Variants in CNOT4 observed in about 807,000 individuals in gnomAD.
CNOT4 encodes CCR4-NOT transcription complex subunit 4.
Under a neutral mutation model 73.8 loss-of-function variants are expected in CNOT4, and 8 were observed. The ratio of observed to expected loss-of-function variants is 0.11; its 90% confidence interval spans 0.06 to 0.20. The LOEUF (loss-of-function observed/expected upper bound fraction) is 0.20, where lower values mean the gene tolerates loss of function less well. CNOT4 is among the 10% of genes least tolerant of loss of function. CNOT4 has a pLI of 1.00. For missense variants in CNOT4, 564 were observed against 883.4 expected (o/e 0.64, Z 4.58); for synonymous variants, 293 against 321.1 (o/e 0.91, Z 0.94).
intron 6 of CNOT4, among the ~76,000 whole-genome samples, chr7:135,412,289 A>G (rs887729141): frequency 2.0e-5 from 3 of 151,930 alleles, no homozygotes; most frequent in African/African-American, 7.2e-5. Context: ...AGGACAGCCC[A>G]TACATTTTAT....
At chr7:135,451,814 G>T (rs116568689) in intron 1 of CNOT4, among the ~76,000 whole-genome samples, 7 of 152,112 alleles carry the variant, frequency 4.6e-5, no homozygotes, top group African/African-American at 1.7e-4. Context: ...TTTTTAAAAG[G>T]CAACTTTTTA....
chr7:135,472,547 ATATATATATAT>A (rs1801699536), intron 1 of CNOT4, among the ~76,000 whole-genome samples: 3 of 97,280 alleles, frequency 3.1e-5, no homozygotes, highest in African/African-American at 1.2e-4. Context: ...ATATATATAT[ATATATATATAT>A]AAAGTGATCC....
chr7:135,363,231 G>T lies in CNOT4; in HGVS notation c.1841-45C>A. ...AAGAGGGAAAATGGTGAGTTTGTGT[G>T]GAAAGAATAAGGTCGTCAAACAAAT... On this transcript the variant is annotated intron_variant, in intron 11 of 11. Transcript: ENST00000541284. The surrounding 1 kb of genome is among the most constrained non-coding windows in gnomAD (Gnocchi z 4.3). 1 of 1,582,994 alleles carries T rather than the reference G, an allele frequency of 6.3e-7. No homozygotes were observed. The highest frequency in any genetic ancestry group is 8.6e-7 in the Non-Finnish European group (1 of 1,156,628).
chr7:135,395,497 G>C, intron 9 of CNOT4, 137 bp downstream of exon 9: 2 of 969,488 alleles, frequency 2.1e-6, no homozygotes, highest in Non-Finnish European at 1.5e-6. Flanking sequence ...ATTCCATGTA[G>C]TTTAAATATT....
rs182057639 is a variant in CNOT4 at position 135,369,156 on chromosome 7, A to T, written c.1628-5090T>A. 4.6e-5 allele frequency among the ~76,000 whole-genome samples: 7 copies of T among 152,320 alleles called. No homozygotes were observed. The East Asian group carries it at 1.4e-3, about 29-fold the overall frequency. On this transcript the variant is annotated intron_variant, in intron 10 of 11. Transcript: ENST00000541284. Reference sequence around the variant, plus strand: ...AGGGTACCATGTGAGATTTAATTTGAAAAATAAGATCTGCTGCTAAAAGGG... The same window carrying T: ...AGGGTACCATGTGAGATTTAATTTGTAAAATAAGATCTGCTGCTAAAAGGG...
chr7:135,465,035 G>A (rs1210966958), intron 1 of CNOT4, among the ~76,000 whole-genome samples: 3 of 152,104 alleles, frequency 2.0e-5, no homozygotes, highest in Non-Finnish European at 4.4e-5. Context: ...TCAGATTGCT[G>A]TTGATACACT....
intron 10 of CNOT4, among the ~76,000 whole-genome samples, chr7:135,392,772 T>A (rs1041200575): frequency 1.3e-5 from 2 of 152,164 alleles, no homozygotes; most frequent in Non-Finnish European, 2.9e-5. Flanking sequence ...ACAAACTATA[T>A]TCTCTTAACC....
intron 1 of CNOT4, among the ~76,000 whole-genome samples, chr7:135,500,029 A>T (rs1473706172): frequency 1.3e-5 from 2 of 152,302 alleles, no homozygotes; most frequent in Middle Eastern, 3.4e-3. Context: ...TGCCAACGAA[A>T]AACAGATTAT....
At chr7:135,378,247 T>C (rs1795628830) in intron 10 of CNOT4, among the ~76,000 whole-genome samples, 1 of 152,188 alleles carries the variant, frequency 6.6e-6, no homozygotes, top group Non-Finnish European at 1.5e-5. Context: ...GTCACGCCTG[T>C]AATCCCAGCA....
chr7:135,469,299 G>A (rs1801423828), intron 1 of CNOT4, among the ~76,000 whole-genome samples: 2 of 152,170 alleles, frequency 1.3e-5, no homozygotes, highest in South Asian at 2.1e-4. Flanking sequence ...ACAAATTTTG[G>A]AATCAGACAT....
intron 1 of CNOT4, among the ~76,000 whole-genome samples, chr7:135,482,813 T>C (rs926807982): frequency 7.9e-5 from 12 of 151,526 alleles, no homozygotes; most frequent in Non-Finnish European, 1.6e-4. Context: ...AAACCCTGTC[T>C]CTAATTTTGT....
At position 135,446,406 on chromosome 7, in the gene CNOT4, A is replaced by T. The variant is rs79560669; in HGVS notation, c.-92-7983T>A. 2.3e-3 allele frequency among the ~76,000 whole-genome samples: 344 copies of T among 152,330 alleles called. 13 individuals are homozygous for T. In the East Asian group the frequency reaches 0.055, roughly 24 times the overall value. On this transcript the variant is annotated intron_variant, in intron 1 of 11. Coordinates refer to ENST00000541284, the MANE Select transcript of CNOT4 (RefSeq NM_001190850.2). Reference sequence around the variant, plus strand: ...GAACTGTACATTTGAAAATGGTTAAAATGGTAAATATGTTACATATATTTT... The same window carrying T: ...GAACTGTACATTTGAAAATGGTTAATATGGTAAATATGTTACATATATTTT...
intron 2 of CNOT4, among the ~76,000 whole-genome samples, chr7:135,434,269 C>T (rs1157527155): frequency 6.6e-6 from 1 of 152,212 alleles, no homozygotes; most frequent in Admixed American, 6.5e-5. Context: ...ACTTGCTTGA[C>T]TCCGACCGAC....
At chr7:135,478,133 A>T (rs1802113905) in intron 1 of CNOT4, among the ~76,000 whole-genome samples, 1 of 152,118 alleles carries the variant, frequency 6.6e-6, no homozygotes, top group African/African-American at 2.4e-5. Flanking sequence ...TTTGTCTTTC[A>T]TGATGATATT....
At chr7:135,418,911 T>A (rs2696879) in intron 3 of CNOT4, among the ~76,000 whole-genome samples, 1 of 152,040 alleles carries the variant, frequency 6.6e-6, no homozygotes, top group Non-Finnish European at 1.5e-5. Flanking sequence ...CAGCACACAT[T>A]TAAGCACTTA....
intron 7 of CNOT4, among the ~76,000 whole-genome samples, chr7:135,404,082 A>T (rs1407773039): frequency 6.6e-6 from 1 of 152,158 alleles, no homozygotes; most frequent in Non-Finnish European, 1.5e-5. Context: ...TATTCTACTT[A>T]GGTGGGCCAA....
In CNOT4 at chr7:135,505,114, G is replaced by A. The variant is rs192496759; in HGVS notation, c.-93+4775C>T. 2.7e-3 allele frequency among the ~76,000 whole-genome samples: 416 copies of A among 152,158 alleles called. 4 individuals carry two copies. The highest frequency in any genetic ancestry group is 2.3e-3 in the Non-Finnish European group (158 of 68,012). On this transcript the variant is annotated intron_variant, in intron 1 of 11. Transcript: ENST00000541284. ...ATTTTAGTAGCCATACTTTAAAAAA[G>A]TTGTTTTTGAACAGTTATCTGACAT...
chr7:135,383,624 G>GGA (rs767602383), intron 10 of CNOT4, among the ~76,000 whole-genome samples: 7 of 152,190 alleles, frequency 4.6e-5, no homozygotes, highest in Non-Finnish European at 5.9e-5. Flanking sequence ...AAAGACTGGA[G>GGA]GAGAGAGTAT....
At chr7:135,501,701 A>G (rs961858509) in intron 1 of CNOT4, among the ~76,000 whole-genome samples, 2 of 152,174 alleles carry the variant, frequency 1.3e-5, no homozygotes, top group Admixed American at 6.5e-5. Context: ...TGACACCAAT[A>G]CACCTTTCAT....
Sources: allele counts gnomAD v4.1 joint callset (sites outside exome capture counted in the v4.1 genomes callset), GRCh38; gene constraint gnomAD v4.1.1; non-coding constraint Gnocchi (gnomAD v3.1); transcripts MANE v1.5; gene names NCBI Gene and HGNC (gene_info 2026-07-23, HGNC 2026-07-21).